The following TRHDE variants were observed in gnomAD, a reference collection of about 807,000 sequenced individuals.
The protein encoded by TRHDE is thyrotropin releasing hormone degrading enzyme.
A neutral mutation model predicts 125.7 loss-of-function variants in TRHDE; 72 were observed. The observed-to-expected ratio is 0.57, with a 90% CI of 0.47 to 0.70. TRHDE has a LOEUF of 0.70. Ranked by LOEUF, TRHDE falls within the 30% of genes least tolerant of loss-of-function variation. TRHDE has a pLI of 0.00. For synonymous variants in TRHDE, 509 were observed against 509.1 expected (o/e 1.00, Z 0.00); for missense variants, 1,110 against 1,327.1 (o/e 0.84, Z 2.54).
At chr12:72,329,446 G>C (rs550007742) in intron 2 of TRHDE, among the ~76,000 whole-genome samples, 1 of 152,180 alleles carries the variant, frequency 6.6e-6, no homozygotes, top group Non-Finnish European at 1.5e-5. Context: ...GATAGTAAAT[G>C]CATTGAACCC....
At chr12:72,413,365 C>G (rs1873592530) in intron 3 of TRHDE, among the ~76,000 whole-genome samples, 1 of 151,646 alleles carries the variant, frequency 6.6e-6, no homozygotes, top group Non-Finnish European at 1.5e-5. Context: ...CTATTGAGCA[C>G]TTGAAATGTG....
intron 1 of TRHDE, among the ~76,000 whole-genome samples, chr12:72,090,754 C>T (rs1874771592): frequency 6.6e-6 from 1 of 151,942 alleles, no homozygotes; most frequent in Admixed American, 6.6e-5. Context: ...AGAAAAGATA[C>T]AAAGAAAAAT....
intron 2 of TRHDE, chr12:72,306,813 A>G (rs1297110838): frequency 6.6e-6 from 1 of 152,136 alleles, no homozygotes; most frequent in Non-Finnish European, 1.5e-5. Context: ...AGAAAAGTGA[A>G]GTGGGGTAAA....
Position 72,569,938 on chromosome 12 carries a change from G to A in TRHDE, c.2131+1282G>A, listed in dbSNP as rs185724896. On this transcript the variant is annotated intron_variant, in intron 10 of 18. Coordinates refer to ENST00000261180, the MANE Select transcript of TRHDE (RefSeq NM_013381.3). The stretch of plus-strand genomic sequence containing the variant: ...GTCTTTTCCTGTCATGTAGTTGTTT[G>A]TCTACATAAGTTGTTTGTGAAATGA... Among the ~76,000 whole-genome samples, 646 of 152,166 alleles carry A rather than the reference G, an allele frequency of 4.2e-3. 2 individuals are homozygous for A. Among genetic ancestry groups the A allele is most frequent in the African/African-American group, 0.014 (593 of 41,496 alleles).
At chr12:72,346,024 A>G (rs910803105) in intron 2 of TRHDE, among the ~76,000 whole-genome samples, 6 of 79,532 alleles carry the variant, frequency 7.5e-5, no homozygotes, top group African/African-American at 1.7e-4. Context: ...AGAATGTATC[A>G]TGGAATGATA....
rs59590935 is a variant in TRHDE, at chr12:72,166,907, CGTGTGTGT to C, written n.279+61194_279+61201del. Among the ~76,000 whole-genome samples, 965 of 139,316 alleles carry C rather than the reference CGTGTGTGT, an allele frequency of 6.9e-3. 4 individuals are homozygous for C. Among genetic ancestry groups the C allele is most frequent in the East Asian group, 0.015 (68 of 4,600 alleles). 91.4% of individuals were successfully genotyped at this position (139,316 alleles called of 152,430 possible). ...AATGGAAGAATAAAAGGTAGATGAA[CGTGTGTGT>C]GTGTGTGTGTGTGTGTGTGTGTGTG... On this transcript the variant is annotated intron_variant and non_coding_transcript_variant, in intron 2 of 4. Transcript: ENST00000548156.
intron 3 of TRHDE, among the ~76,000 whole-genome samples, chr12:72,418,440 C>T (rs1182798143): frequency 2.6e-5 from 4 of 152,042 alleles, no homozygotes; most frequent in Admixed American, 2.0e-4. Flanking sequence ...ACATGCAATG[C>T]AAAATTATTG....
chr12:72,602,765 C>T (rs1872258647), intron 12 of TRHDE, among the ~76,000 whole-genome samples: 1 of 152,188 alleles, frequency 6.6e-6, no homozygotes, highest in Non-Finnish European at 1.5e-5. Context: ...AAATATGCCC[C>T]TAAACATATG....
chr12:72,519,831 G>A (rs973423442), intron 6 of TRHDE, among the ~76,000 whole-genome samples: 1 of 152,126 alleles, frequency 6.6e-6, no homozygotes, highest in African/African-American at 2.4e-5. Flanking sequence ...TGGTGTGGAT[G>A]TCCTTTCTGT....
At chr12:72,571,332 A>C (rs1870723175) in intron 10 of TRHDE, among the ~76,000 whole-genome samples, 1 of 152,178 alleles carries the variant, frequency 6.6e-6, no homozygotes, top group African/African-American at 2.4e-5. Flanking sequence ...TAATTATAAC[A>C]ATCAGGTCAA....
chr12:72,558,840 G>A (rs541632157), intron 7 of TRHDE, among the ~76,000 whole-genome samples: 9 of 152,268 alleles, frequency 5.9e-5, no homozygotes, highest in Non-Finnish European at 5.9e-5. Flanking sequence ...CAATATAGGG[G>A]AGGATAATGA....
chr12:72,252,521 C>A (rs1055318996), intron 2 of TRHDE, among the ~76,000 whole-genome samples: 1 of 152,082 alleles, frequency 6.6e-6, no homozygotes, highest in Non-Finnish European at 1.5e-5. Context: ...TTGGCAAATA[C>A]CACACAGTCT....
intron 1 of TRHDE, among the ~76,000 whole-genome samples, chr12:72,278,188 T>C (rs528396595): frequency 1.3e-5 from 2 of 152,308 alleles, no homozygotes; most frequent in South Asian, 4.1e-4. Flanking sequence ...ACTGAGATCA[T>C]GCAATATTTG....
At position 72,562,576 on chromosome 12, in the gene TRHDE, A is replaced by G. The variant is rs908288773; in HGVS notation, c.1855-277A>G. ...AAATGTGACACTAGACATGATGGGA[A>G]TAATTACTGATGCTTCAGGGATTTG... On this transcript the variant is annotated intron_variant, in intron 8 of 18. Transcript: ENST00000261180. Among the ~76,000 whole-genome samples, 4 of 152,012 alleles carry G rather than the reference A, an allele frequency of 2.6e-5. No individual in the cohort carries two copies. In the East Asian group the frequency reaches 7.7e-4, roughly 29 times the overall value.
chr12:72,536,819 A>G (rs1868884913), intron 6 of TRHDE, among the ~76,000 whole-genome samples: 1 of 151,958 alleles, frequency 6.6e-6, no homozygotes, highest in Admixed American at 6.6e-5. Context: ...TTTTATCCCT[A>G]ATCCTGGGAA....
intron 9 of TRHDE, among the ~76,000 whole-genome samples, chr12:72,568,217 G>A (rs1870541676): frequency 1.3e-5 from 2 of 152,088 alleles, no homozygotes; most frequent in South Asian, 4.1e-4. Context: ...ATAAAAACAA[G>A]TAGAAAGAAG....
chr12:72,608,747 C>T (rs1219902888), intron 12 of TRHDE, among the ~76,000 whole-genome samples: 1 of 152,190 alleles, frequency 6.6e-6, no homozygotes, highest in Non-Finnish European at 1.5e-5. Flanking sequence ...ATGGATTACT[C>T]TCACTTCATA....
intron 3 of TRHDE, among the ~76,000 whole-genome samples, chr12:72,422,339 AT>A (rs555843296): frequency 5.9e-5 from 9 of 152,024 alleles, no homozygotes; most frequent in Non-Finnish European, 1.0e-4. Flanking sequence ...TAATTTTTGC[AT>A]TCCCTACACA....
At chr12:72,555,372 G>C (rs1026397419) in intron 7 of TRHDE, among the ~76,000 whole-genome samples, 1 of 151,792 alleles carries the variant, frequency 6.6e-6, no homozygotes, top group African/African-American at 2.4e-5. Flanking sequence ...TTCTTTTCAT[G>C]TCCAGTGGCT....
Sources: gnomAD v4.1 joint callset for allele counts (sites outside exome capture counted in the v4.1 genomes callset) on GRCh38, gnomAD v4.1.1 for gene constraint, MANE v1.5 for transcripts, NCBI Gene and HGNC (gene_info 2026-07-23, HGNC 2026-07-21) for gene names.